The following ACSBG2 variants were observed in gnomAD, a reference collection of about 807,000 sequenced individuals.
ACSBG2 encodes the protein long-chain-fatty-acid--CoA ligase ACSBG2.
In ACSBG2, 62 loss-of-function variants were observed where a neutral mutation model predicts 74.7. That is an observed-to-expected ratio of 0.83 (90% confidence interval 0.68 to 1.03). The LOEUF is 1.03. Ranked by LOEUF, ACSBG2 falls within the 50% of genes least tolerant of loss-of-function variation. ACSBG2 has a pLI of 0.00. For synonymous variants in ACSBG2, 309 were observed against 294.1 expected (o/e 1.05, Z -0.52); for missense variants, 730 against 817.6 (o/e 0.89, Z 1.31).
intron 8 of ACSBG2, among the ~76,000 whole-genome samples, chr19:6,182,175 A>C (rs777388264): frequency 2.0e-5 from 3 of 151,874 alleles, no homozygotes; most frequent in Non-Finnish European, 2.9e-5. Flanking sequence ...CTGCATTTCT[A>C]TATAAATTTT....
chr19:6,157,063 C>T (rs2089450617), intron 5 of ACSBG2, among the ~76,000 whole-genome samples: 1 of 152,142 alleles, frequency 6.6e-6, no homozygotes, highest in African/African-American at 2.4e-5. Context: ...TCTCCTGCCT[C>T]AGCCTCCCAA....
At chr19:6,139,283 G>T (rs1300640347) in intron 1 of ACSBG2, among the ~76,000 whole-genome samples, 1 of 152,062 alleles carries the variant, frequency 6.6e-6, no homozygotes, top group East Asian at 1.9e-4. Flanking sequence ...TAGAGACAGG[G>T]TTTCACCATG....
intron 7 of ACSBG2, among the ~76,000 whole-genome samples, chr19:6,169,575 G>A (rs528185184): frequency 9.9e-5 from 15 of 152,054 alleles, no homozygotes; most frequent in Non-Finnish European, 1.8e-4. Flanking sequence ...GGGCTTTCTG[G>A]TTCCATATAA....
At chr19:6,139,866 G>A (rs1427532766) in intron 1 of ACSBG2, among the ~76,000 whole-genome samples, 2 of 151,808 alleles carry the variant, frequency 1.3e-5, no homozygotes. Flanking sequence ...ATCACCTGAG[G>A]TCGGGAGTCT....
rs1238670394 is a variant in ACSBG2 at position 6,183,076 on chromosome 19, ACT to A, written c.1130_1131del (p.Leu377ArgfsTer47). The A allele has an allele frequency of 6.2e-7, 1 of 1,613,978 alleles. No individual in the cohort carries two copies. The highest frequency in any genetic ancestry group is 1.7e-5 in the Admixed American group (1 of 59,992). On this transcript the variant is annotated frameshift_variant, in exon 10 of 15. Coordinates refer to ENST00000588485, the MANE Select transcript of ACSBG2 (RefSeq NM_030924.5). LOFTEE classifies it high-confidence loss of function. ...NTPVSYRMAKTLVFSKVKTSL... is the reference protein window; with the variant it reads ...NTPVSYRMAKXLVFSKVKTSL... ...TCCCGTGAGCTACCGCATGGCTAAG[ACT>A]CTCGTGTTCAGCAAAGTCAAGACAT... is the stretch of plus-strand genomic sequence containing the variant.
chr19:6,138,497 G>T (rs1343325288), intron 1 of ACSBG2, among the ~76,000 whole-genome samples: 1 of 138,442 alleles, frequency 7.2e-6, no homozygotes, highest in Non-Finnish European at 1.6e-5. Flanking sequence ...GGGGAAGGGG[G>T]AGGGAGGGAG....
intron 11 of ACSBG2, 122 bp from the exon 12 acceptor site, chr19:6,187,161 A>G (rs975434308): frequency 5.8e-6 from 8 of 1,374,284 alleles, no homozygotes; most frequent in Non-Finnish European, 8.0e-6. Context: ...CACACCACCA[A>G]ACCTGGCTAA....
In ACSBG2 at chr19:6,178,594, C is replaced by A. The variant is rs192197531; in HGVS notation, c.906+1198C>A. Among the ~76,000 whole-genome samples, 898 of 152,256 alleles carry A rather than the reference C, an allele frequency of 5.9e-3. 4 individuals are homozygous for A. Among genetic ancestry groups the A allele is most frequent in the Admixed American group, 0.011 (167 of 15,278 alleles). ...ATGGGGTTTCACAATTTTGGCCAGA[C>A]TGGTCTCAAACTCCTGACCTCAGGT... On this transcript the variant is annotated intron_variant, in intron 8 of 14. Coordinates refer to ENST00000588485, the MANE Select transcript of ACSBG2 (RefSeq NM_030924.5).
At chr19:6,170,197 A>C (rs1280151936) in intron 7 of ACSBG2, among the ~76,000 whole-genome samples, 1 of 152,154 alleles carries the variant, frequency 6.6e-6, no homozygotes, top group Non-Finnish European at 1.5e-5. Flanking sequence ...TTTCCCCTTC[A>C]GTATGATGTT....
At chr19:6,187,044 G>A (rs1333574384) in intron 11 of ACSBG2, among the ~76,000 whole-genome samples, 1 of 124,250 alleles carries the variant, frequency 8.0e-6, no homozygotes, top group Non-Finnish European at 1.6e-5. Flanking sequence ...CACTCTTGTT[G>A]CCCAGGTTGG....
At chr19:6,167,688 C>G (rs1326333650) in intron 7 of ACSBG2, among the ~76,000 whole-genome samples, 1 of 152,208 alleles carries the variant, frequency 6.6e-6, no homozygotes, top group African/African-American at 2.4e-5. Flanking sequence ...TGAGCAATAT[C>G]ACGGGCCCAG....
chr19:6,168,826 T>G (rs1308457994), intron 7 of ACSBG2, among the ~76,000 whole-genome samples: 5 of 152,206 alleles, frequency 3.3e-5, no homozygotes, highest in African/African-American at 1.2e-4. Flanking sequence ...TCATCCAGGC[T>G]GGAGTACAGT....
intron 7 of ACSBG2, among the ~76,000 whole-genome samples, chr19:6,170,051 T>C (rs949989864): frequency 5.3e-5 from 8 of 152,196 alleles, no homozygotes; most frequent in African/African-American, 1.9e-4. Context: ...CTGTTCCTAT[T>C]TTCCTATTCA....
intron 10 of ACSBG2, among the ~76,000 whole-genome samples, 200 bp downstream of exon 10, chr19:6,183,472 G>T (rs1568253321): frequency 6.6e-6 from 1 of 152,180 alleles, no homozygotes; most frequent in Non-Finnish European, 1.5e-5. Context: ...AGATAAGGGG[G>T]ATGGCTCTCT....
At chr19:6,151,853 G>A in intron 4 of ACSBG2, 58 bp downstream of exon 4, 8 of 1,508,506 alleles carry the variant, frequency 5.3e-6, no homozygotes, top group Non-Finnish European at 5.4e-6. Flanking sequence ...CTGGGCCTGG[G>A]ACCCCTGGGC....
chr19:6,161,333 CG>C (rs1568233055), intron 6 of ACSBG2, 38 bp downstream of exon 6: 1 of 1,527,908 alleles, frequency 6.5e-7, no homozygotes. Flanking sequence ...AAGGGGAGGG[CG>C]GGGCCTTGCA....
chr19:6,166,654 C>T (rs8111212), intron 7 of ACSBG2, among the ~76,000 whole-genome samples: 103,001 of 151,690 alleles, frequency 0.68, 35,204 homozygotes, highest in Admixed American at 0.73. Context: ...TTTTGTTTTG[C>T]TTTTTGAGAC....
At chr19:6,172,502 G>C (rs1349853458) in intron 7 of ACSBG2, among the ~76,000 whole-genome samples, 1 of 151,280 alleles carries the variant, frequency 6.6e-6, no homozygotes, top group Admixed American at 6.6e-5. Context: ...AGTGGCTAAG[G>C]TCTGTACGGG....
At chr19:6,164,590 A>T (rs975293631) in intron 6 of ACSBG2, among the ~76,000 whole-genome samples, 6 of 151,526 alleles carry the variant, frequency 4.0e-5, no homozygotes, top group Admixed American at 3.9e-4. Flanking sequence ...CTGCCACCAC[A>T]CCCGGCTAAT....
Sources: allele counts gnomAD v4.1 joint callset (sites outside exome capture counted in the v4.1 genomes callset), GRCh38; gene constraint gnomAD v4.1.1; transcripts MANE v1.5; gene names NCBI Gene and HGNC (gene_info 2026-07-23, HGNC 2026-07-21).